USH2A: variants seen among roughly 807,000 people sequenced by gnomAD.
USH2A encodes usherin.
In USH2A, 443 loss-of-function variants were observed where a neutral mutation model predicts 538.9. The ratio of observed to expected loss-of-function variants is 0.82; its 90% CI spans 0.76 to 0.89. USH2A has a LOEUF of 0.89. Among genes scored for constraint, USH2A ranks in the 40% least tolerant of loss-of-function variants. The pLI is 0.00. For missense variants in USH2A, 6,633 were observed against 6,324.8 expected, an observed-to-expected ratio of 1.05 and a Z score of -1.65; for synonymous variants, 2,413 against 2,273.5, an observed-to-expected ratio of 1.06 and a Z score of -1.75.
chr1:216,202,653 T>C (rs2035025724), intron 16 of USH2A, among the ~76,000 whole-genome samples: 1 of 152,176 alleles, frequency 6.6e-6, no homozygotes, highest in Non-Finnish European at 1.5e-5. Flanking sequence ...GATACCCTCC[T>C]GGTTTGTAGC....
chr1:216,325,497 C>T lies in USH2A; in HGVS notation c.951G>A (p.Arg317=). 2.5e-6 allele frequency: 4 copies of T among 1,613,856 alleles called. No homozygotes were observed. Among genetic ancestry groups the T allele is most frequent in the South Asian group, 1.1e-5 (1 of 91,084 alleles). ...CTCCTGCATCATTAGGAATGCAGTA[C>T]CGCTGTGCCAAAGGGTGGACCCGCG... ...SHPRVHPLAQ[R]YCIPNDAGDT... is the part of the protein sequence containing the mutation. Residue 317 remains arginine, a synonymous_variant, in exon 6 of 72, where the codon CGG becomes CGA. Coordinates refer to ENST00000307340, the MANE Select transcript of USH2A (RefSeq NM_206933.4).
At chr1:216,303,855 T>C (rs2102626185) in intron 9 of USH2A, among the ~76,000 whole-genome samples, 1 of 152,042 alleles carries the variant, frequency 6.6e-6, no homozygotes, top group African/African-American at 2.4e-5. Context: ...ATAGAAGGCA[T>C]TTATAAATAT....
chr1:216,270,098 T>C (rs751702109), intron 11 of USH2A, among the ~76,000 whole-genome samples: 30 of 152,128 alleles, frequency 2.0e-4, no homozygotes, highest in Non-Finnish European at 4.4e-5. Flanking sequence ...TAATAGTCAC[T>C]ATATTTTAGG....
chr1:216,294,407 A>C (rs1420677334), intron 9 of USH2A, among the ~76,000 whole-genome samples: 1 of 152,038 alleles, frequency 6.6e-6, no homozygotes, highest in Non-Finnish European at 1.5e-5. Context: ...TGTTATTAAA[A>C]ATCATATATT....
chr1:216,050,635 C>T (rs1176876396), intron 30 of USH2A, among the ~76,000 whole-genome samples: 22 of 85,076 alleles, frequency 2.6e-4, no homozygotes, highest in African/African-American at 9.3e-4. Flanking sequence ...GACAGAGTCT[C>T]GCTCAGTTGC....
chr1:216,339,625 T>C (rs538296565), intron 4 of USH2A, among the ~76,000 whole-genome samples: 2 of 151,868 alleles, frequency 1.3e-5, no homozygotes, highest in East Asian at 3.9e-4. Context: ...AGAACTGAAA[T>C]TATAACAGTT....
At chr1:216,116,444 C>G (rs2033011139) in intron 21 of USH2A, among the ~76,000 whole-genome samples, 1 of 151,980 alleles carries the variant, frequency 6.6e-6, no homozygotes, top group Non-Finnish European at 1.5e-5. Flanking sequence ...TCAATGGTGT[C>G]CATGTCAAGC....
intron 38 of USH2A, among the ~76,000 whole-genome samples, chr1:215,930,414 G>T (rs1666335082): frequency 6.6e-6 from 1 of 151,990 alleles, no homozygotes; most frequent in African/African-American, 2.4e-5. Flanking sequence ...AAAAAAAAAG[G>T]TTTAAGTCTG....
intron 30 of USH2A, 112 bp from the exon 31 acceptor site, chr1:216,048,759 G>T: frequency 2.2e-6 from 2 of 914,038 alleles, no homozygotes; most frequent in South Asian, 1.3e-5. Context: ...AAAACAAAGA[G>T]ACCAGAGACA....
intron 56 of USH2A, among the ~76,000 whole-genome samples, chr1:215,760,377 T>G: frequency 6.6e-6 from 1 of 152,132 alleles, no homozygotes; most frequent in Non-Finnish European, 1.5e-5. Context: ...CTCTCCCCTC[T>G]GCTTTTCTCT....
chr1:216,207,377 T>A lies in USH2A; in HGVS notation c.3212A>T (p.Asn1071Ile), dbSNP rs533927645. ...RGQVQSSSAINLSWSPPDSPN... is the reference protein window; with the variant it reads ...RGQVQSSSAIILSWSPPDSPN... ...AGAATCAGGTGGACTCCAGGAGAGA[T>A]TGATAGCAGAAGAACTTTGAACTTG... Residue 1071 changes from asparagine to isoleucine, a missense_variant, in exon 16 of 72, where the codon AAT (asparagine) becomes ATT (isoleucine). Asn to Ile is a moderately radical substitution (Grantham distance 149). Transcript: ENST00000307340. The A allele has an allele frequency of 6.2e-7, 1 of 1,613,940 alleles. No homozygotes were observed. The highest frequency in any genetic ancestry group is 1.3e-5 in the African/African-American group (1 of 75,016).
chr1:215,989,072 T>C (rs147441952), intron 35 of USH2A, among the ~76,000 whole-genome samples: 30 of 152,344 alleles, frequency 2.0e-4, no homozygotes, highest in African/African-American at 5.8e-4. Context: ...ACATTTATAT[T>C]AGAACTTTTT....
intron 3 of USH2A, among the ~76,000 whole-genome samples, chr1:216,367,921 A>T (rs1240773146): frequency 6.6e-6 from 1 of 152,204 alleles, no homozygotes; most frequent in Non-Finnish European, 1.5e-5. Flanking sequence ...GCTAAAATAA[A>T]CTTTGCACCT....
Position 216,240,557 on chromosome 1 carries a change from CT to C in USH2A, c.2809+6027del, listed in dbSNP as rs559439733. Among the ~76,000 whole-genome samples, 215 of 150,970 alleles carry C rather than the reference CT, an allele frequency of 1.4e-3. 1 individual carries two copies. The highest frequency in any genetic ancestry group is 6.9e-3 in the Middle Eastern group (2 of 288). On this transcript the variant is annotated intron_variant, in intron 13 of 71. Coordinates refer to ENST00000307340, the MANE Select transcript of USH2A (RefSeq NM_206933.4). ...AAAAAAGTAGAAAAGAAGAAAGAAT[CT>C]GATTAACATTGCTAACAGCTAATGG...
rs1318122234 is a variant in USH2A at position 215,630,022 on chromosome 1, G to A, written c.15298-987C>T. On this transcript the variant is annotated intron_variant, in intron 70 of 71. Coordinates refer to ENST00000307340, the MANE Select transcript of USH2A (RefSeq NM_206933.4). ...GATCTCCTGACCTTGTGATCCGCCC[G>A]CCTCGGCCTCCCATTTCTTTTCTTT... 20 of 479,850 alleles carry A rather than the reference G, an allele frequency of 4.2e-5. 1 individual carries two copies. The highest frequency in any genetic ancestry group is 2.7e-4 in the South Asian group (17 of 63,114). 29.7% of individuals were successfully genotyped at this position (479,850 alleles called of 1,614,324 possible).
At chr1:216,299,808 T>C (rs2037179524) in intron 9 of USH2A, among the ~76,000 whole-genome samples, 1 of 152,136 alleles carries the variant, frequency 6.6e-6, no homozygotes, top group Non-Finnish European at 1.5e-5. Flanking sequence ...GTATGATTTG[T>C]AAAAAATATA....
intron 32 of USH2A, among the ~76,000 whole-genome samples, chr1:216,027,045 T>C (rs926410238): frequency 1.3e-5 from 2 of 152,208 alleles, no homozygotes; most frequent in Non-Finnish European, 2.9e-5. Context: ...TGAGTAATAG[T>C]GCATAATCAT....
chr1:216,276,213 A>C (rs1041748486), intron 11 of USH2A, among the ~76,000 whole-genome samples: 2 of 152,188 alleles, frequency 1.3e-5, no homozygotes, highest in African/African-American at 4.8e-5. Context: ...ATGAACTACA[A>C]TGCTTGGCAT....
At position 216,237,046 on chromosome 1, in the gene USH2A, A is replaced by T. The variant is rs1435316476; in HGVS notation, c.2810-4910T>A. ...ATGCATATTCAAAATCCACAGCAAA[A>T]CTTATATTCTCTGTTCCCATTCAGT... On this transcript the variant is annotated intron_variant, in intron 13 of 71. Coordinates refer to ENST00000307340, the MANE Select transcript of USH2A (RefSeq NM_206933.4). 2.0e-5 allele frequency among the ~76,000 whole-genome samples: 3 copies of T among 152,090 alleles called. No homozygotes were observed. In the East Asian group the frequency reaches 5.8e-4, roughly 29 times the overall value.
Sources: allele counts gnomAD v4.1 joint callset (sites outside exome capture counted in the v4.1 genomes callset), GRCh38; gene constraint gnomAD v4.1.1; transcripts MANE v1.5; gene names NCBI Gene and HGNC (gene_info 2026-07-23, HGNC 2026-07-21).